Variants in PLEKHM3 observed in about 807,000 individuals in gnomAD.
The protein encoded by PLEKHM3 is pleckstrin homology domain-containing family M member 3.
PLEKHM3 carries 45 observed loss-of-function variants against 81.8 expected under a neutral mutation model. The observed-to-expected ratio is 0.55, with a 90% CI of 0.43 to 0.71. The LOEUF is 0.71. Ranked by LOEUF, PLEKHM3 falls within the 30% of genes least tolerant of loss-of-function variation. The pLI is 0.00. For missense variants in PLEKHM3, 788 were observed against 924.3 expected, an observed-to-expected ratio of 0.85 and a Z score of 1.91; for synonymous variants, 352 against 356.4, an observed-to-expected ratio of 0.99 and a Z score of 0.14.
chr2:207,880,794 A>C (rs542332883), intron 6 of PLEKHM3, among the ~76,000 whole-genome samples: 30 of 141,452 alleles, frequency 2.1e-4, no homozygotes, highest in Non-Finnish European at 3.1e-4. Flanking sequence ...AAAAACCAAA[A>C]AAACAAACAA....
At chr2:207,950,360 C>A (rs964306268) in intron 3 of PLEKHM3, among the ~76,000 whole-genome samples, 3 of 152,190 alleles carry the variant, frequency 2.0e-5, no homozygotes, top group Admixed American at 1.3e-4. Flanking sequence ...ACCACTGTGA[C>A]CCTGACCATC....
intron 5 of PLEKHM3, among the ~76,000 whole-genome samples, chr2:207,915,011 G>T (rs1383562319): frequency 6.6e-6 from 1 of 152,182 alleles, no homozygotes; most frequent in Admixed American, 6.5e-5. Context: ...CCCATCAAAG[G>T]AAACGATATC....
rs2105870148 is a variant in PLEKHM3 at position 207,821,932 on chromosome 2, T to C, written c.*6387A>G. 6.6e-6 allele frequency: 1 copy of C among 152,262 alleles called. No individual in the cohort carries two copies. Among genetic ancestry groups the C allele is most frequent in the Admixed American group, 6.5e-5 (1 of 15,296 alleles). The allele number at this position is 152,262 out of a possible 1,614,324, so 9.4% of individuals were successfully genotyped here. On this transcript the variant is annotated 3_prime_UTR_variant, in exon 8 of 8. Transcript: ENST00000427836. ...TTAGCTACTATTCCTAAGAAACAGA[T>C]TTAAAATATATATCTTCTAGGGTAG...
At chr2:207,844,189 A>G (rs1401977245) in intron 7 of PLEKHM3, among the ~76,000 whole-genome samples, 1 of 152,180 alleles carries the variant, frequency 6.6e-6, no homozygotes, top group East Asian at 1.9e-4. Context: ...AAGTTAAATC[A>G]GTTCAAGTTA....
At chr2:207,909,621 C>A (rs2718650) in intron 5 of PLEKHM3, among the ~76,000 whole-genome samples, 95,278 of 152,048 alleles carry the variant, frequency 0.63, 30,748 homozygotes, top group African/African-American at 0.75. Context: ...TGCATGGGGT[C>A]CATATTTTTT....
rs77196741 is a variant in PLEKHM3, at chr2:207,930,630, C to T, written c.1886+296G>A. 4.0e-3 allele frequency among the ~76,000 whole-genome samples: 603 copies of T among 152,206 alleles called. 5 individuals carry two copies. The highest frequency in any genetic ancestry group is 0.014 in the African/African-American group (578 of 41,504). On this transcript the variant is annotated intron_variant, in intron 5 of 7. Coordinates refer to ENST00000427836, the MANE Select transcript of PLEKHM3 (RefSeq NM_001080475.3). ...ATAGATATTTCCATGATTATTATCT[C>T]AAATTAACATATTGGTAAGAGAAGC...
At chr2:207,845,208 A>G (rs1257938744) in intron 7 of PLEKHM3, among the ~76,000 whole-genome samples, 1 of 152,232 alleles carries the variant, frequency 6.6e-6, no homozygotes, top group Admixed American at 6.5e-5. Context: ...AGACAAATTT[A>G]ATGAGGTATT....
In PLEKHM3 at chr2:207,858,174, G is replaced by GTGTGTGTGTGTATATA. The variant is rs373920637; in HGVS notation, c.2108+2930_2108+2931insTATATACACACACACA. Among the ~76,000 whole-genome samples, 668 of 123,202 alleles carry GTGTGTGTGTGTATATA rather than the reference G, an allele frequency of 5.4e-3. 5 individuals carry two copies. Among genetic ancestry groups the GTGTGTGTGTGTATATA allele is most frequent in the African/African-American group, 0.021 (601 of 28,282 alleles). 80.8% of individuals were successfully genotyped at this position (123,202 alleles called of 152,430 possible). On this transcript the variant is annotated intron_variant, in intron 7 of 7. Coordinates refer to ENST00000427836, the MANE Select transcript of PLEKHM3 (RefSeq NM_001080475.3). ...TGTGTGTGTGTGTGTGTGTGTGTGT[G>GTGTGTGTGTGTATATA]TATATATTTTTTTTTTTGAGATGAA...
chr2:207,895,503 C>G (rs1261793318), intron 6 of PLEKHM3, among the ~76,000 whole-genome samples: 1 of 152,230 alleles, frequency 6.6e-6, no homozygotes, highest in Non-Finnish European at 1.5e-5. Context: ...AGCCAAGAAT[C>G]CTTTCACAGT....
At chr2:207,922,986 G>A (rs1301556088) in intron 5 of PLEKHM3, among the ~76,000 whole-genome samples, 2 of 152,210 alleles carry the variant, frequency 1.3e-5, no homozygotes, top group African/African-American at 4.8e-5. Flanking sequence ...AGAGGACTGG[G>A]AGGCAGCTGG....
chr2:207,865,807 T>A (rs1261743252), intron 6 of PLEKHM3, among the ~76,000 whole-genome samples: 12,955 of 36,672 alleles, frequency 0.35, 3,276 homozygotes, highest in Middle Eastern at 0.45. Flanking sequence ...AAAAAAGATA[T>A]ATATATATAT....
chr2:207,991,946 CCTTA>C (rs1228001138), intron 2 of PLEKHM3, among the ~76,000 whole-genome samples: 1 of 152,130 alleles, frequency 6.6e-6, no homozygotes, highest in Non-Finnish European at 1.5e-5. Flanking sequence ...GATATTTTGG[CCTTA>C]CTATTTGTGC....
At chr2:207,986,477 C>G (rs1239348654) in intron 2 of PLEKHM3, among the ~76,000 whole-genome samples, 1 of 152,110 alleles carries the variant, frequency 6.6e-6, no homozygotes, top group Non-Finnish European at 1.5e-5. Flanking sequence ...AGTCAGGAAA[C>G]AGGGTTTACA....
At chr2:207,987,027 C>A (rs1171906469) in intron 2 of PLEKHM3, among the ~76,000 whole-genome samples, 1 of 152,184 alleles carries the variant, frequency 6.6e-6, no homozygotes, top group African/African-American at 2.4e-5. Context: ...AGAAGTATCA[C>A]TTCAGAACAA....
intron 5 of PLEKHM3, among the ~76,000 whole-genome samples, chr2:207,922,644 C>T (rs1001214047): frequency 5.3e-5 from 8 of 152,046 alleles, no homozygotes; most frequent in Non-Finnish European, 1.0e-4. Flanking sequence ...AAACCTGTCT[C>T]TACTAAAAAT....
In PLEKHM3 at chr2:207,827,864, C is replaced by T. The variant is rs2092260508; in HGVS notation, c.*455G>A. The stretch of plus-strand genomic sequence containing the variant: ...TTATGAAACAGATGATGATGGGTGC[C>T]TGCCTCAGTTACCTCAGCCTCTGTG... On this transcript the variant is annotated 3_prime_UTR_variant, in exon 8 of 8. Transcript: ENST00000427836. 1 of 152,182 alleles carries T rather than the reference C, an allele frequency of 6.6e-6. No homozygotes were observed. Among genetic ancestry groups the T allele is most frequent in the Non-Finnish European group, 1.5e-5 (1 of 68,060 alleles). The allele number at this position is 152,182 out of a possible 1,614,324, so 9.4% of individuals were successfully genotyped here.
chr2:207,831,400 C>T (rs775731708), intron 7 of PLEKHM3, among the ~76,000 whole-genome samples: 8 of 152,188 alleles, frequency 5.3e-5, no homozygotes, highest in Admixed American at 4.6e-4. Flanking sequence ...GCCATCCCAG[C>T]GAGAGCATGG....
chr2:208,017,992 A>AC (rs944725380), intron 1 of PLEKHM3, among the ~76,000 whole-genome samples: 22 of 150,658 alleles, frequency 1.5e-4, no homozygotes, highest in African/African-American at 5.4e-4. Flanking sequence ...TTTGCCCATA[A>AC]CCCTCTTATC....
chr2:207,990,352 T>G (rs1364255192), intron 2 of PLEKHM3, among the ~76,000 whole-genome samples: 3 of 152,182 alleles, frequency 2.0e-5, no homozygotes, highest in Non-Finnish European at 4.4e-5. Context: ...TACGCTGTGT[T>G]CTTTCCACCT....
Sources: gnomAD v4.1 joint callset for allele counts (sites outside exome capture counted in the v4.1 genomes callset) on GRCh38, gnomAD v4.1.1 for gene constraint, MANE v1.5 for transcripts, NCBI Gene and HGNC (gene_info 2026-07-23, HGNC 2026-07-21) for gene names.